ELOA2: variants seen among roughly 807,000 people sequenced by gnomAD.
ELOA2 encodes elongin-A2.
For missense variants in ELOA2, 1,271 were observed against 979.7 expected (o/e 1.30, Z -3.97); for synonymous variants, 497 against 398.8 (o/e 1.25, Z -2.94).
In ELOA2 at chr18:47,034,598, G is replaced by A. The variant is rs1355886532; in HGVS notation, c.667C>T (p.His223Tyr). ...GQPQGKAVVS[H>Y]SKGHKSSRQE... ...CGAGACGATTTGTGCCCCTTGCTGT[G>A]GCTCACAACGGCTTTCCCCTGGGGT... The change falls in exon 1 of 1, where the codon CAC becomes TAC. Residue 223 changes from histidine to tyrosine, a missense_variant. Coordinates refer to ENST00000332567, the MANE Select transcript of ELOA2 (RefSeq NM_016427.3). The A allele has an allele frequency of 1.2e-6, 2 of 1,614,156 alleles. No individual in the cohort carries two copies. The highest frequency in any genetic ancestry group is 1.7e-6 in the Non-Finnish European group (2 of 1,179,986).
At position 47,035,498 on chromosome 18, in the gene ELOA2, G is replaced by C. The variant is rs72481245; in HGVS notation, c.-234C>G. The C allele has an allele frequency of 5.9e-6, 5 of 852,764 alleles. No individual in the cohort carries two copies. The African/African-American group carries it at 8.6e-5, about 15-fold the overall frequency. The allele number at this position is 852,764 out of a possible 1,614,324, so 52.8% of individuals were successfully genotyped here. On this transcript the variant is annotated 5_prime_UTR_variant, in exon 1 of 1. Transcript: ENST00000332567. ...GCCCGCTTTTGTTCCTCGGGATGTG[G>C]AGCCACAGCCTGGAGTGACCTCTGC...
chr18:47,034,506 T>C lies in ELOA2; in HGVS notation c.759A>G (p.Ser253=), dbSNP rs1418524106. 6.2e-7 allele frequency: 1 copy of C among 1,614,202 alleles called. No homozygotes were observed. Among genetic ancestry groups the C allele is most frequent in the Admixed American group, 1.7e-5 (1 of 60,016 alleles). The change falls in exon 1 of 1, where the codon TCA becomes TCG. Residue 253 remains serine, a synonymous_variant. Transcript: ENST00000332567. ...WHSPTLIREK[S]CGACLREETP... ...TTTCCTCTCTTAAGCAGGCCCCGCA[T>C]GATTTCTCCCTGATCAAAGTAGGGG...
At position 47,032,717 on chromosome 18, in the gene ELOA2, T is replaced by A; in HGVS notation, c.*286A>T. Reference sequence around the variant, plus strand: ...TCACATCTTTTTCCTTATTTATGATTACAACTAGGGTGTTTTTAAAAATTA... The same window carrying A: ...TCACATCTTTTTCCTTATTTATGATAACAACTAGGGTGTTTTTAAAAATTA... On this transcript the variant is annotated 3_prime_UTR_variant, in exon 1 of 1. Coordinates refer to ENST00000332567, the MANE Select transcript of ELOA2 (RefSeq NM_016427.3). The A allele has an allele frequency of 2.0e-6, 1 of 506,400 alleles. No individual in the cohort carries two copies. Among genetic ancestry groups the A allele is most frequent in the African/African-American group, 1.9e-5 (1 of 51,958 alleles). The allele number at this position is 506,400 out of a possible 1,614,324, so 31.4% of individuals were successfully genotyped here.
Position 47,034,248 on chromosome 18 carries a change from C to A in ELOA2, c.1017G>T (p.Gln339His). The A allele has an allele frequency of 6.2e-7, 1 of 1,614,022 alleles. No homozygotes were observed. Among genetic ancestry groups the A allele is most frequent in the Admixed American group, 1.7e-5 (1 of 60,032 alleles). Reference sequence around the variant, plus strand: ...CTTGAGTCTCTCGGTCGTTGGAAAGCTGCTCTTTCTCCTCGGGCGACAGGC... The same window carrying A: ...CTTGAGTCTCTCGGTCGTTGGAAAGATGCTCTTTCTCCTCGGGCGACAGGC... ...THGLSPEEKE[Q>H]LSNDRETQEG... The change falls in exon 1 of 1, where the codon CAG becomes CAT. Residue 339 changes from glutamine to histidine, a missense_variant. By Grantham distance (24) the Gln-to-His change is conservative. Coordinates refer to ENST00000332567, the MANE Select transcript of ELOA2 (RefSeq NM_016427.3).
chr18:47,032,626 G>A lies in ELOA2; in HGVS notation c.*377C>T. ...TTATCAGTGTCAACTAATGGCTTGT[G>A]TGTTTTTGTCTAAGAAGTTCTTATC... On this transcript the variant is annotated 3_prime_UTR_variant, in exon 1 of 1. Coordinates refer to ENST00000332567, the MANE Select transcript of ELOA2 (RefSeq NM_016427.3). 2 of 306,788 alleles carry A rather than the reference G, an allele frequency of 6.5e-6. No individual in the cohort carries two copies. Among genetic ancestry groups the A allele is most frequent in the East Asian group, 8.3e-5 (1 of 11,996 alleles). The allele number at this position is 306,788 out of a possible 1,614,324, so 19.0% of individuals were successfully genotyped here.
At position 47,033,064 on chromosome 18, in the gene ELOA2, T is replaced by A; in HGVS notation, c.2201A>T (p.Lys734Ile). Residue 734 changes from lysine (K) to isoleucine (I), a missense_variant, in exon 1 of 1, where the codon AAA becomes ATA. By Grantham distance (102) the Lys-to-Ile change is moderately radical. Coordinates refer to ENST00000332567, the MANE Select transcript of ELOA2 (RefSeq NM_016427.3). ...TGCCTTGGCCATCAGCGGGGCCACT[T>A]TCTTGGCAGCCTGTTTCCGGGTTTT... The part of the protein sequence containing the change: ...AAKTRKQAAK[K>I]VAPLMAKAIR... 1 of 1,614,142 alleles carries A rather than the reference T, an allele frequency of 6.2e-7. No homozygotes were observed. Among genetic ancestry groups the A allele is most frequent in the Non-Finnish European group, 8.5e-7 (1 of 1,180,036 alleles).
rs573481393 is a variant in ELOA2, at chr18:47,033,104, C to G, written c.2161G>C (p.Ala721Pro). The part of the protein sequence containing the change: ...NPCLSSSNEH[A>P]APAAKTRKQA... ...TTCCGGGTTTTGGCCGCGGGCGCCG[C>G]GTGCTCATTGCTGCTGCTCAGGCAG... Residue 721 changes from alanine (A) to proline (P), a missense_variant, in exon 1 of 1, where the codon GCG becomes CCG. Coordinates refer to ENST00000332567, the MANE Select transcript of ELOA2 (RefSeq NM_016427.3). 4 of 1,614,110 alleles carry G rather than the reference C, an allele frequency of 2.5e-6. No homozygotes were observed. The African/African-American group carries it at 5.3e-5, about 22-fold the overall frequency.
Position 47,032,923 on chromosome 18 carries a change from G to C in ELOA2, c.*80C>G, listed in dbSNP as rs1232117119. 3.1e-6 allele frequency: 5 copies of C among 1,609,462 alleles called. No homozygotes were observed. Among genetic ancestry groups the C allele is most frequent in the Non-Finnish European group, 3.4e-6 (4 of 1,177,922 alleles). On this transcript the variant is annotated 3_prime_UTR_variant, in exon 1 of 1. Transcript: ENST00000332567. The stretch of plus-strand genomic sequence containing the variant: ...AAGTTAAAGGTTCTGGTGTCCATTG[G>C]AAGTTTCGTTCCCCAACCCGCATTG...
chr18:47,033,214 G>C lies in ELOA2; in HGVS notation c.2051C>G (p.Thr684Ser). 6.2e-7 allele frequency: 1 copy of C among 1,614,036 alleles called. No homozygotes were observed. The highest frequency in any genetic ancestry group is 8.5e-7 in the Non-Finnish European group (1 of 1,180,028). The change falls in exon 1 of 1, where the codon ACT becomes AGT. Residue 684 changes from threonine (T) to serine (S), a missense_variant. Transcript: ENST00000332567. ...PASKPAGSSH[T>S]PSSQSSSGGG... ...GCCGCTGCTGCTCTGGCTGGAGGGAGTGTGGCTGCTTCCCGCGGGCTTGGA... is the reference window on the plus strand; with the variant it reads ...GCCGCTGCTGCTCTGGCTGGAGGGACTGTGGCTGCTTCCCGCGGGCTTGGA...
rs749455269 is a variant in ELOA2 at position 47,033,688 on chromosome 18, A to G, written c.1577T>C (p.Val526Ala). Residue 526 changes from valine (V) to alanine (A), a missense_variant, in exon 1 of 1, where the codon GTG (valine) becomes GCG (alanine). Physicochemically the swap from Val to Ala is moderately conservative, Grantham distance 64. Transcript: ENST00000332567. ...GGCACACTGCTGGCGCAGCGTCGGC[A>G]CCTGGAGCTGGCAGGCAGGCCTGGA... Reference protein sequence around the residue: ...SGSRPACQLQVPTLRQQCAQV... With the variant: ...SGSRPACQLQAPTLRQQCAQV... 1.8e-5 allele frequency: 29 copies of G among 1,614,080 alleles called. No individual in the cohort carries two copies. The highest frequency in any genetic ancestry group is 4.2e-6 in the Non-Finnish European group (5 of 1,180,044).
rs1339089309 is a variant in ELOA2 at position 47,033,493 on chromosome 18, T to G, written c.1772A>C (p.Gln591Pro). The G allele has an allele frequency of 1.2e-6, 2 of 1,614,208 alleles. No individual in the cohort carries two copies. Among genetic ancestry groups the G allele is most frequent in the East Asian group, 2.2e-5 (1 of 44,886 alleles). The change falls in exon 1 of 1, where the codon CAG becomes CCG. Residue 591 changes from glutamine to proline, a missense_variant. Physicochemically the swap from Gln to Pro is moderately conservative, Grantham distance 76. Transcript: ENST00000332567. The stretch of plus-strand genomic sequence containing the variant: ...CTGTGGCTTTTCTTCCTTGAAGTCC[T>G]GGAAACAATGATTCCTCCGTAATTC... ...TDELRRNHCF[Q>P]DFKEEKPQEN...
At position 47,033,628 on chromosome 18, in the gene ELOA2, T is replaced by G. The variant is rs965703219; in HGVS notation, c.1637A>C (p.Asp546Ala). ...VLRNNPDALS[D>A]VGEVPYWVLE... is the part of the protein sequence containing the mutation. ...AACCCAGTAGGGGACCTCTCCCACGTCGCTGAGGGCGTCCGGATTGTTTCT... is the reference window on the plus strand; with the variant it reads ...AACCCAGTAGGGGACCTCTCCCACGGCGCTGAGGGCGTCCGGATTGTTTCT... Residue 546 changes from aspartate (D) to alanine (A), a missense_variant, in exon 1 of 1, where the codon GAC becomes GCC. Transcript: ENST00000332567. 10 of 1,614,094 alleles carry G rather than the reference T, an allele frequency of 6.2e-6. No homozygotes were observed. In the African/African-American group the frequency reaches 1.3e-4, roughly 22 times the overall value.
chr18:47,033,004 T>C lies in ELOA2; in HGVS notation c.2261A>G (p.Ter754=), dbSNP rs756570695. 1.7e-5 allele frequency: 27 copies of C among 1,613,968 alleles called. No individual in the cohort carries two copies. In the Admixed American group the frequency reaches 3.5e-4, roughly 21 times the overall value. Residue 754 remains the stop codon, a stop_retained_variant, in exon 1 of 1, where the codon TAA becomes TGA. Coordinates refer to ENST00000332567, the MANE Select transcript of ELOA2 (RefSeq NM_016427.3). ...TTATCTGCAAGGCAAGTCCTGAGTT[T>C]ATCGTCGGGAGAATCTTCTCTTGTA... ...RDYKRRFSRR[*]
rs746615025 is a variant in ELOA2, at chr18:47,033,997, G to A, written c.1268C>T (p.Ser423Phe). 1 of 1,613,884 alleles carries A rather than the reference G, an allele frequency of 6.2e-7. No individual in the cohort carries two copies. Among genetic ancestry groups the A allele is most frequent in the Admixed American group, 1.7e-5 (1 of 60,034 alleles). The change falls in exon 1 of 1, where the codon TCC (serine) becomes TTC (phenylalanine). Residue 423 changes from serine to phenylalanine, a missense_variant. By Grantham distance (155) the Ser-to-Phe change is radical (BLOSUM62 -2). Transcript: ENST00000332567. ...KANESKGTRE[S>F]WDSAKKLPPV... Reference sequence around the variant, plus strand: ...AGGCAATTTCTTAGCCGAATCCCAGGACTCACGAGTGCCCTTGGATTCGTT... The same window carrying A: ...AGGCAATTTCTTAGCCGAATCCCAGAACTCACGAGTGCCCTTGGATTCGTT...
chr18:47,034,036 T>G lies in ELOA2; in HGVS notation c.1229A>C (p.Lys410Thr). ...GKSATTALGD[K>T]QRKANESKGT... ...CTTGGATTCGTTTGCTTTCCTTTGT[T>G]TATCTCCAAGTGCAGTGGTGGCAGA... The change falls in exon 1 of 1, where the codon AAA (lysine) becomes ACA (threonine). Residue 410 changes from lysine to threonine, a missense_variant. By Grantham distance (78) the Lys-to-Thr change is moderately conservative (BLOSUM62 -1). Transcript: ENST00000332567. 5 of 1,614,194 alleles carry G rather than the reference T, an allele frequency of 3.1e-6. No individual in the cohort carries two copies. The highest frequency in any genetic ancestry group is 4.2e-6 in the Non-Finnish European group (5 of 1,180,032).
At chr18:47,034,800 TCTCTCAGCTCTGGG>T in the ELOA2 span, 1 of 1,612,304 alleles carries the variant, frequency 6.2e-7, no homozygotes, top group Non-Finnish European at 8.5e-7. Context: ...TGGGGCACTT[TCTCTCAGCTCTGGG>T]CTCGCGACTG....
In ELOA2 at chr18:47,033,445, T is replaced by C. The variant is rs770363655; in HGVS notation, c.1820A>G (p.Gln607Arg). 1 of 1,614,216 alleles carries C rather than the reference T, an allele frequency of 6.2e-7. No individual in the cohort carries two copies. Among genetic ancestry groups the C allele is most frequent in the Non-Finnish European group, 8.5e-7 (1 of 1,180,030 alleles). Residue 607 changes from glutamine (Q) to arginine (R), a missense_variant, in exon 1 of 1, where the codon CAG becomes CGG. By Grantham distance (43) the Gln-to-Arg change is conservative. Coordinates refer to ENST00000332567, the MANE Select transcript of ELOA2 (RefSeq NM_016427.3). ...KPQENKTWRE[Q>R]YLRLPDAPEQ... ...TGGGGCGTCCGGAAGCCGCAGGTACTGCTCCCTCCAAGTTTTGTTTTCCTG... is the reference window on the plus strand; with the variant it reads ...TGGGGCGTCCGGAAGCCGCAGGTACCGCTCCCTCCAAGTTTTGTTTTCCTG...
At position 47,033,961 on chromosome 18, in the gene ELOA2, T is replaced by G. The variant is rs1393073796; in HGVS notation, c.1304A>C (p.Glu435Ala). The G allele has an allele frequency of 6.2e-7, 1 of 1,613,164 alleles. No homozygotes were observed. Among genetic ancestry groups the G allele is most frequent in the Non-Finnish European group, 8.5e-7 (1 of 1,180,052 alleles). Residue 435 changes from glutamate to alanine, a missense_variant, in exon 1 of 1, where the codon GAA (glutamate) becomes GCA (alanine). Coordinates refer to ENST00000332567, the MANE Select transcript of ELOA2 (RefSeq NM_016427.3). The part of the protein sequence containing the change: ...DSAKKLPPVQ[E>A]SQSERLQAAG... ...CGCCTGCAGCCTCTCTGACTGGCTTTCCTGGACAGGAGGCAATTTCTTAGC... is the reference window on the plus strand; with the variant it reads ...CGCCTGCAGCCTCTCTGACTGGCTTGCCTGGACAGGAGGCAATTTCTTAGC...
rs762067131 is a variant in ELOA2 at position 47,034,298 on chromosome 18, G to A, written c.967C>T (p.Arg323Trp). Reference sequence around the variant, plus strand: ...CCGTGTGTCCCATTTCCTGGGTCCCGGCCGTCTAGACTGGGCCTCTTCTTG... The same window carrying A: ...CCGTGTGTCCCATTTCCTGGGTCCCAGCCGTCTAGACTGGGCCTCTTCTTG... Reference protein sequence around the residue: ...SNKKRPSLDGRDPGNGTHGLS... With the variant: ...SNKKRPSLDGWDPGNGTHGLS... The change falls in exon 1 of 1, where the codon CGG becomes TGG. Residue 323 changes from arginine (R) to tryptophan (W), a missense_variant. Coordinates refer to ENST00000332567, the MANE Select transcript of ELOA2 (RefSeq NM_016427.3). 5.0e-6 allele frequency: 8 copies of A among 1,613,368 alleles called. No individual in the cohort carries two copies. The highest frequency in any genetic ancestry group is 6.8e-6 in the Non-Finnish European group (8 of 1,179,468).
Sources: gnomAD v4.1 joint callset for allele counts on GRCh38, gnomAD v4.1.1 for gene constraint, MANE v1.5 for transcripts, NCBI Gene and HGNC (gene_info 2026-07-23, HGNC 2026-07-21) for gene names.